Variants in CP observed in about 807,000 individuals in gnomAD.
CP encodes the protein ceruloplasmin, also known as caeruloplasmin.
Under a neutral mutation model 122.4 loss-of-function variants are expected in CP, and 64 were observed. The observed-to-expected ratio is 0.52, with a 90% confidence interval of 0.43 to 0.64. CP has a LOEUF of 0.64. CP is among the 30% of genes least tolerant of loss of function. CP has a pLI of 0.00. For synonymous variants in CP, 440 were observed against 436.4 expected, an observed-to-expected ratio of 1.01 and a Z score of -0.10; for missense variants, 1,167 against 1,284.4, an observed-to-expected ratio of 0.91 and a Z score of 1.40.
intron 12 of CP, among the ~76,000 whole-genome samples, chr3:149,184,159 C>T (rs576643092): frequency 2.7e-5 from 4 of 150,166 alleles, no homozygotes; most frequent in Admixed American, 1.3e-4. Context: ...CTTCAGCCTC[C>T]GAGTAGCTGG....
intron 3 of CP, among the ~76,000 whole-genome samples, chr3:149,209,590 G>A (rs1727970247): frequency 6.6e-6 from 1 of 152,138 alleles, no homozygotes; most frequent in Non-Finnish European, 1.5e-5. Context: ...ACACTCCTGT[G>A]TCTGGATGTC....
rs143395757 is a variant in CP at position 149,164,259 on chromosome 3, A to G, written c.*14-1384T>C. On this transcript the variant is annotated intron_variant, in intron 5 of 5. Coordinates refer to the CP transcript ENST00000479771. ...CACTTTGTGAAATGAAAGTGTGGCA[A>G]ATGTTTAGTGGTGTTTTTATTGATG... Among the ~76,000 whole-genome samples, 535 of 152,256 alleles carry G rather than the reference A, an allele frequency of 3.5e-3. 2 individuals are homozygous for G. Among genetic ancestry groups the G allele is most frequent in the African/African-American group, 0.012 (512 of 41,562 alleles).
chr3:149,188,294 A>G (rs1726312485), intron 9 of CP, 92 bp from the exon 10 acceptor site: 2 of 1,092,032 alleles, frequency 1.8e-6, no homozygotes, highest in Admixed American at 2.1e-5. Flanking sequence ...ACACACCTAA[A>G]GGAAAGAATG....
Position 149,166,188 on chromosome 3 carries a change from T to C in CP, c.587-138A>G, listed in dbSNP as rs1041980896. ...ATAGTTTAATTGCTTGAAGTAAATATTGGTAAAGTTGTAAATTCTGAGATA... is the reference window on the plus strand; with the variant it reads ...ATAGTTTAATTGCTTGAAGTAAATACTGGTAAAGTTGTAAATTCTGAGATA... On this transcript the variant is annotated intron_variant, in intron 4 of 5. Transcript: ENST00000479771. 1.1e-5 allele frequency: 4 copies of C among 352,086 alleles called. No homozygotes were observed. In the Admixed American group the frequency reaches 1.5e-4, roughly 14 times the overall value. 21.8% of individuals were successfully genotyped at this position (352,086 alleles called of 1,614,324 possible).
chr3:149,176,591 T>G, intron 17 of CP, 179 bp from the exon 18 acceptor site: 1 of 588,678 alleles, frequency 1.7e-6, no homozygotes, highest in Non-Finnish European at 3.0e-6. Flanking sequence ...CTAATAAGTC[T>G]TTGGTATCCA....
intron 9 of CP, among the ~76,000 whole-genome samples, chr3:149,190,814 GAT>G (rs1726497224): frequency 6.6e-6 from 1 of 152,126 alleles, no homozygotes; most frequent in African/African-American, 2.4e-5. Flanking sequence ...ATTTAATAAA[GAT>G]AGTATAACCA....
At chr3:149,198,076 T>A (rs1006011935) in intron 9 of CP, among the ~76,000 whole-genome samples, 4 of 152,158 alleles carry the variant, frequency 2.6e-5, no homozygotes, top group Non-Finnish European at 5.9e-5. Context: ...AACATATAAA[T>A]TGATTGTAAT....
Position 149,206,255 on chromosome 3 carries a change from T to C in CP, c.1121A>G (p.Tyr374Cys), listed in dbSNP as rs2108287622. 2 of 1,614,024 alleles carry C rather than the reference T, an allele frequency of 1.2e-6. No homozygotes were observed. Among genetic ancestry groups the C allele is most frequent in the East Asian group, 4.5e-5 (2 of 44,876 alleles). The change falls in exon 6 of 19, where the codon TAC (tyrosine) becomes TGC (cysteine). Residue 374 changes from tyrosine to cysteine, a missense_variant. Coordinates refer to ENST00000264613, the MANE Select transcript of CP (RefSeq NM_000096.4). ...GATGATTTCCTCAGCGGCAATGTAG[T>C]AGTGTCTAACATGCTTCCCACGGAT... is the stretch of plus-strand genomic sequence containing the variant. The part of the protein sequence containing the change: ...DNIRGKHVRH[Y>C]YIAAEEIIWN...
chr3:149,177,163 T>C (rs1576726739), intron 17 of CP, among the ~76,000 whole-genome samples: 1 of 152,128 alleles, frequency 6.6e-6, no homozygotes, highest in South Asian at 2.1e-4. Context: ...TTGCTCACCA[T>C]GGGCCATTTA....
At chr3:149,202,514 A>C (rs542972059) in intron 6 of CP, among the ~76,000 whole-genome samples, 1 of 152,212 alleles carries the variant, frequency 6.6e-6, no homozygotes, top group South Asian at 2.1e-4. Context: ...CAACCCCTTG[A>C]CAAAGGATTC....
At chr3:149,214,979 C>A (rs1339159974) in intron 1 of CP, among the ~76,000 whole-genome samples, 1 of 152,136 alleles carries the variant, frequency 6.6e-6, no homozygotes, top group Non-Finnish European at 1.5e-5. Context: ...GAACCCTGGA[C>A]CAATCAATCT....
At chr3:149,205,770 G>C (rs1019679110) in intron 6 of CP, among the ~76,000 whole-genome samples, 3 of 152,072 alleles carry the variant, frequency 2.0e-5, no homozygotes, top group African/African-American at 7.2e-5. Flanking sequence ...TTGTTTAAAG[G>C]GTTCAGAGTT....
In CP at chr3:149,202,232, C is replaced by T. The variant is rs17847016; in HGVS notation, c.1218G>A (p.Ala406=). 84 of 1,614,108 alleles carry T rather than the reference C, an allele frequency of 5.2e-5. 1 individual carries two copies. The South Asian group carries it at 7.6e-4, about 15-fold the overall frequency. The change falls in exon 7 of 19, where the codon GCG becomes GCA. Residue 406 remains alanine, a synonymous_variant. Transcript: ENST00000264613. ...TTGTGGTACCTTGTTCAAAAAACAC[C>T]GCTGAGTCACTGCAGGGGGAAAAAA... ...ENLTAPGSDS[A]VFFEQGTTRI...
chr3:149,199,962 A>T lies in CP; in HGVS notation c.1349-98T>A. On this transcript the variant is annotated intron_variant, in intron 7 of 18. Coordinates refer to ENST00000264613, the MANE Select transcript of CP (RefSeq NM_000096.4). ...TTGACTGTGTTCTCTGGCAAGAACTACTAGGAGCAACACGCTTATTTGTGG... is the reference window on the plus strand; with the variant it reads ...TTGACTGTGTTCTCTGGCAAGAACTTCTAGGAGCAACACGCTTATTTGTGG... The T allele has an allele frequency of 3.3e-6, 4 of 1,217,680 alleles. No individual in the cohort carries two copies. In the Admixed American group the frequency reaches 7.3e-5, roughly 22 times the overall value. The allele number at this position is 1,217,680 out of a possible 1,614,324, so 75.4% of individuals were successfully genotyped here. A position where few individuals can be genotyped will look rare whatever the true frequency, so the allele number is the denominator to read the frequency against.
intron 1 of CP, 123 bp from the exon 2 acceptor site, chr3:149,212,821 G>T: frequency 8.1e-7 from 1 of 1,229,186 alleles, no homozygotes; most frequent in Non-Finnish European, 1.1e-6. Context: ...ATGTTTGCCT[G>T]TTGTAGGGAT....
At chr3:149,177,768 G>A in intron 17 of CP, 72 bp downstream of exon 17, 1 of 1,530,440 alleles carries the variant, frequency 6.5e-7, no homozygotes, top group South Asian at 1.1e-5. Context: ...GTCTCTCTGA[G>A]AAAATATTTT....
chr3:149,179,422 A>T lies in CP; in HGVS notation c.2661+134T>A, dbSNP rs1000021821. On this transcript the variant is annotated intron_variant, in intron 15 of 18. Transcript: ENST00000264613. ...TGTCATAGGTAGCAGCATAGTTGCT[A>T]AAGTAGATTGCAAACAGTTTATTTT... is the stretch of plus-strand genomic sequence containing the variant. The T allele has an allele frequency of 4.1e-6, 3 of 723,566 alleles. No homozygotes were observed. The African/African-American group carries it at 5.2e-5, about 13-fold the overall frequency. 44.8% of individuals were successfully genotyped at this position (723,566 alleles called of 1,614,324 possible).
At chr3:149,186,103 T>G in intron 11 of CP, 1 of 251,516 alleles carries the variant, frequency 4.0e-6, no homozygotes, top group Non-Finnish European at 7.8e-6. Context: ...ATGGCTACAA[T>G]GCTAGCATAG....
chr3:149,205,859 C>A (rs1727677028), intron 6 of CP, among the ~76,000 whole-genome samples: 1 of 152,140 alleles, frequency 6.6e-6, no homozygotes, highest in African/African-American at 2.4e-5. Context: ...GTACTTAATG[C>A]TGCTGAATCG....
Sources: gnomAD v4.1 joint callset for allele counts (sites outside exome capture counted in the v4.1 genomes callset) on GRCh38, gnomAD v4.1.1 for gene constraint, MANE v1.5 for transcripts, NCBI Gene and HGNC (gene_info 2026-07-23, HGNC 2026-07-21) for gene names.